CCSER1: variants seen among roughly 807,000 people sequenced by gnomAD.
The protein encoded by CCSER1 is coiled-coil serine rich protein 1, also known as serine-rich coiled-coil domain-containing protein 1.
A neutral mutation model predicts 82.0 loss-of-function variants in CCSER1; 41 were observed. That is an observed-to-expected ratio of 0.50 (90% confidence interval 0.39 to 0.65). The LOEUF is 0.65. Ranked by LOEUF, CCSER1 falls within the 30% of genes least tolerant of loss-of-function variation. The pLI, the probability that CCSER1 is intolerant of heterozygous loss-of-function variation, is 0.00. For synonymous variants in CCSER1, 414 were observed against 383.9 expected, an observed-to-expected ratio of 1.08 and a Z score of -0.92; for missense variants, 1,119 against 1,064.2, an observed-to-expected ratio of 1.05 and a Z score of -0.72.
At chr4:90,592,767 TG>T (rs1782867230) in intron 5 of CCSER1, among the ~76,000 whole-genome samples, 1 of 152,148 alleles carries the variant, frequency 6.6e-6, no homozygotes, top group Admixed American at 6.6e-5. Context: ...TATGGTTCTT[TG>T]TATCCTCTGA....
At chr4:90,972,391 C>T (rs1735195052) in intron 9 of CCSER1, among the ~76,000 whole-genome samples, 1 of 151,208 alleles carries the variant, frequency 6.6e-6, no homozygotes, top group African/African-American at 2.4e-5. Flanking sequence ...AATTAGATAT[C>T]CAAAATGAAA....
chr4:91,544,054 A>T (rs1056925531), intron 10 of CCSER1, among the ~76,000 whole-genome samples: 6 of 151,750 alleles, frequency 4.0e-5, no homozygotes, highest in African/African-American at 1.5e-4. Context: ...CATTCATTTG[A>T]TCTTCAATCA....
At chr4:90,527,836 A>G (rs1183031696) in intron 5 of CCSER1, among the ~76,000 whole-genome samples, 1 of 152,092 alleles carries the variant, frequency 6.6e-6, no homozygotes, top group East Asian at 1.9e-4. Flanking sequence ...GTATTGTTTA[A>G]GTAGAAATGA....
intron 10 of CCSER1, among the ~76,000 whole-genome samples, chr4:91,342,625 TC>T (rs1747794137): frequency 6.6e-6 from 1 of 152,160 alleles, no homozygotes; most frequent in Non-Finnish European, 1.5e-5. Flanking sequence ...TTTCAGTGTC[TC>T]ATTTTGTGTT....
chr4:90,466,844 G>A (rs905841160), intron 4 of CCSER1, among the ~76,000 whole-genome samples: 15 of 152,228 alleles, frequency 9.9e-5, no homozygotes, highest in Admixed American at 6.5e-5. Flanking sequence ...TCCTAGAAAC[G>A]ATTACAGCTT....
At chr4:91,470,878 A>G (rs1218116287) in intron 10 of CCSER1, among the ~76,000 whole-genome samples, 1 of 152,186 alleles carries the variant, frequency 6.6e-6, no homozygotes, top group Non-Finnish European at 1.5e-5. Context: ...AATGAATAAT[A>G]AATAGGATAT....
chr4:90,304,209 A>G (rs1047018870), intron 1 of CCSER1, among the ~76,000 whole-genome samples: 4 of 152,188 alleles, frequency 2.6e-5, no homozygotes, highest in African/African-American at 4.8e-5. Flanking sequence ...GGAACTGTAA[A>G]CTAGTTCAAC....
intron 8 of CCSER1, among the ~76,000 whole-genome samples, chr4:90,821,851 T>C (rs1759765034): frequency 6.6e-6 from 1 of 152,156 alleles, no homozygotes; most frequent in Admixed American, 6.5e-5. Flanking sequence ...TGAAGGGCAC[T>C]GTAAATATTA....
rs1468968767 is a variant in CCSER1 at position 91,603,632 on chromosome 4, C to T, written c.*4575C>T. 2 of 152,104 alleles carry T rather than the reference C, an allele frequency of 1.3e-5. No homozygotes were observed. Among genetic ancestry groups the T allele is most frequent in the African/African-American group, 4.8e-5 (2 of 41,434 alleles). 9.4% of individuals were successfully genotyped at this position (152,104 alleles called of 1,614,324 possible). Reference sequence around the variant, plus strand: ...TCTCCAATTTAATACGACATACATACTTCTTCCACCTGAACATAAAATTCA... The same window carrying T: ...TCTCCAATTTAATACGACATACATATTTCTTCCACCTGAACATAAAATTCA... On this transcript the variant is annotated 3_prime_UTR_variant, in exon 11 of 11. Coordinates refer to ENST00000509176, the MANE Select transcript of CCSER1 (RefSeq NM_001145065.2).
Position 90,604,689 on chromosome 4 carries a change from C to A in CCSER1, c.1725-23336C>A, listed in dbSNP as rs1331038781. Among the ~76,000 whole-genome samples, 5 of 152,116 alleles carry A rather than the reference C, an allele frequency of 3.3e-5. No homozygotes were observed. In the East Asian group the frequency reaches 9.6e-4, roughly 29 times the overall value. On this transcript the variant is annotated intron_variant, in intron 5 of 10. Coordinates refer to ENST00000509176, the MANE Select transcript of CCSER1 (RefSeq NM_001145065.2). ...TCTAGCTAAAGGTTTGTAAATGCAC[C>A]AATCAGCACTTCGTGTCTAGCTCAA...
intron 5 of CCSER1, among the ~76,000 whole-genome samples, chr4:90,501,314 G>A (rs1356554840): frequency 6.6e-6 from 1 of 152,092 alleles, no homozygotes; most frequent in East Asian, 1.9e-4. Context: ...TCTTTAAAGT[G>A]ACAAAAATTC....
chr4:91,049,623 G>T (rs1742823645), intron 9 of CCSER1, among the ~76,000 whole-genome samples: 1 of 152,168 alleles, frequency 6.6e-6, no homozygotes, highest in Non-Finnish European at 1.5e-5. Flanking sequence ...AAACTGGTGA[G>T]AGAACAGTAA....
At position 91,599,819 on chromosome 4, in the gene CCSER1, G is replaced by C. The variant is rs752911299; in HGVS notation, c.*762G>C. On this transcript the variant is annotated 3_prime_UTR_variant, in exon 11 of 11. Transcript: ENST00000509176. ...TGACATAACACAAGGTGATAAAGTT[G>C]GTTGAATTTTGTCAGATGATGCATA... The C allele has an allele frequency of 3.3e-5, 5 of 152,074 alleles. No individual in the cohort carries two copies. The highest frequency in any genetic ancestry group is 5.9e-5 in the Non-Finnish European group (4 of 67,990). The allele number at this position is 152,074 out of a possible 1,614,324, so 9.4% of individuals were successfully genotyped here.
chr4:90,406,128 C>T (rs914395067), intron 4 of CCSER1, among the ~76,000 whole-genome samples: 8 of 151,986 alleles, frequency 5.3e-5, no homozygotes, highest in East Asian at 1.9e-4. Flanking sequence ...TCACCTAACA[C>T]GTAAGAATTC....
chr4:90,893,513 G>A (rs1723242066), intron 8 of CCSER1, among the ~76,000 whole-genome samples: 1 of 152,034 alleles, frequency 6.6e-6, no homozygotes, highest in Admixed American at 6.6e-5. Flanking sequence ...AGGGTGGGAT[G>A]GCAAGAGGTA....
intron 6 of CCSER1, among the ~76,000 whole-genome samples, chr4:90,720,572 C>A (rs922818564): frequency 9.2e-5 from 14 of 151,768 alleles, no homozygotes; most frequent in African/African-American, 3.4e-4. Context: ...AGAGTGAAAA[C>A]GGAGCTCCCA....
intron 9 of CCSER1, among the ~76,000 whole-genome samples, chr4:90,969,431 G>A (rs1734876410): frequency 6.6e-6 from 1 of 151,912 alleles, no homozygotes; most frequent in African/African-American, 2.4e-5. Flanking sequence ...TATAAGCAAG[G>A]AAACCCCATT....
chr4:90,921,908 C>T (rs1214456330), intron 8 of CCSER1, among the ~76,000 whole-genome samples: 1 of 151,972 alleles, frequency 6.6e-6, no homozygotes, highest in African/African-American at 2.4e-5. Context: ...CTATTACTAC[C>T]TCTCCCTGTT....
intron 5 of CCSER1, among the ~76,000 whole-genome samples, chr4:90,600,468 C>T (rs1207554344): frequency 2.0e-5 from 3 of 152,040 alleles, no homozygotes; most frequent in East Asian, 3.9e-4. Flanking sequence ...ATCTGTATAT[C>T]TTCTTTAATG....
Sources: gnomAD v4.1 joint callset for allele counts (sites outside exome capture counted in the v4.1 genomes callset) on GRCh38, gnomAD v4.1.1 for gene constraint, MANE v1.5 for transcripts, NCBI Gene and HGNC (gene_info 2026-07-23, HGNC 2026-07-21) for gene names.